SHISA9: variants seen among roughly 807,000 people sequenced by gnomAD.
SHISA9 encodes the protein shisa family member 9.
In SHISA9, 13 loss-of-function variants were observed where a neutral mutation model predicts 38.0. The ratio of observed to expected loss-of-function variants is 0.34; its 90% confidence interval spans 0.22 to 0.54. The LOEUF (loss-of-function observed/expected upper bound fraction) is 0.54. Among genes scored for constraint, SHISA9 ranks in the 20% least tolerant of loss-of-function variants. The pLI is 0.91. For synonymous variants in SHISA9, 275 were observed against 242.0 expected, an observed-to-expected ratio of 1.14 and a Z score of -1.27; for missense variants, 538 against 575.8, an observed-to-expected ratio of 0.93 and a Z score of 0.67.
At chr16:13,426,413 C>T in the SHISA9 span, among the ~76,000 whole-genome samples, 8 of 152,132 alleles carry the variant, frequency 5.3e-5, 1 homozygote, top group Admixed American at 5.2e-4. Context: ...AGGAGTTCTC[C>T]CAAACATGAC....
the SHISA9 span, among the ~76,000 whole-genome samples, chr16:13,435,315 C>A: frequency 6.6e-6 from 1 of 151,882 alleles, no homozygotes; most frequent in Non-Finnish European, 1.5e-5. Context: ...TCAGCAAGAA[C>A]TCTCCCCACA....
chr16:13,368,729 A>C, the SHISA9 span, among the ~76,000 whole-genome samples: 2 of 108,702 alleles, frequency 1.8e-5, no homozygotes, highest in African/African-American at 3.5e-5. Context: ...CTCCAAGGCA[A>C]GATATGTGCA....
At chr16:12,971,149 C>G (rs1419882556) in intron 2 of SHISA9, among the ~76,000 whole-genome samples, 1 of 152,160 alleles carries the variant, frequency 6.6e-6, no homozygotes, top group East Asian at 1.9e-4. Context: ...TACTAATTTT[C>G]CAGCCTAAAC....
the SHISA9 span, among the ~76,000 whole-genome samples, chr16:13,354,952 G>C: frequency 6.6e-6 from 1 of 151,052 alleles, no homozygotes; most frequent in Non-Finnish European, 1.5e-5. Flanking sequence ...TACAGCCCAG[G>C]TAATTTGCTG....
At chr16:13,297,462 T>TGATG in the SHISA9 span, among the ~76,000 whole-genome samples, 1 of 152,080 alleles carries the variant, frequency 6.6e-6, no homozygotes, top group Non-Finnish European at 1.5e-5. Context: ...ATGAAAGAGA[T>TGATG]GATGGGATGG....
At chr16:12,948,301 T>C (rs527418167) in intron 2 of SHISA9, among the ~76,000 whole-genome samples, 4 of 152,270 alleles carry the variant, frequency 2.6e-5, no homozygotes, top group African/African-American at 7.2e-5. Context: ...TATTATATGA[T>C]ACTGCACTCA....
At chr16:13,491,813 T>G in the SHISA9 span, among the ~76,000 whole-genome samples, 1 of 102,332 alleles carries the variant, frequency 9.8e-6, no homozygotes, top group Admixed American at 9.8e-5. Context: ...TATTTATTTA[T>G]TGACCTTTTT....
At chr16:12,905,479 T>C (rs1198741643) in intron 1 of SHISA9, among the ~76,000 whole-genome samples, 2 of 152,122 alleles carry the variant, frequency 1.3e-5, no homozygotes, top group Non-Finnish European at 2.9e-5. Context: ...GATAAAGTGG[T>C]CCACACTTGG....
chr16:13,389,683 C>G, the SHISA9 span, among the ~76,000 whole-genome samples: 2 of 152,092 alleles, frequency 1.3e-5, no homozygotes, highest in African/African-American at 4.8e-5. Context: ...AACAGGTCCT[C>G]TGATTAACCT....
At chr16:13,522,680 G>T in the SHISA9 span, among the ~76,000 whole-genome samples, 1 of 152,144 alleles carries the variant, frequency 6.6e-6, no homozygotes, top group South Asian at 2.1e-4. Context: ...CCTTATAAAA[G>T]CTGCAGTGAG....
intron 2 of SHISA9, among the ~76,000 whole-genome samples, chr16:12,936,180 C>A (rs1460356181): frequency 2.0e-5 from 3 of 152,164 alleles, no homozygotes; most frequent in Non-Finnish European, 4.4e-5. Flanking sequence ...GCCTTTAAGA[C>A]AATTTGGGGA....
intron 1 of SHISA9, among the ~76,000 whole-genome samples, chr16:12,911,958 ATAATT>A (rs2071189766): frequency 6.6e-6 from 1 of 152,236 alleles, no homozygotes; most frequent in African/African-American, 2.4e-5. Context: ...AAGCTAATAA[ATAATT>A]TAATCTGTGC....
At chr16:13,448,250 C>T in the SHISA9 span, among the ~76,000 whole-genome samples, 1 of 152,164 alleles carries the variant, frequency 6.6e-6, no homozygotes, top group African/African-American at 2.4e-5. Context: ...TGCACATGTA[C>T]CCTGGTCTTT....
chr16:13,312,981 C>T, the SHISA9 span, among the ~76,000 whole-genome samples: 16,373 of 151,972 alleles, frequency 0.11, 971 homozygotes, highest in South Asian at 0.22. Flanking sequence ...CCAGGCCGGG[C>T]GCGGTGGCTC....
the SHISA9 span, among the ~76,000 whole-genome samples, chr16:13,400,702 C>T: frequency 6.6e-6 from 1 of 152,202 alleles, no homozygotes; most frequent in Non-Finnish European, 1.5e-5. Flanking sequence ...GACTCCATGT[C>T]TGAACAAATC....
the SHISA9 span, among the ~76,000 whole-genome samples, chr16:13,473,791 A>G: frequency 8.5e-5 from 13 of 152,094 alleles, no homozygotes; most frequent in Admixed American, 1.3e-4. Flanking sequence ...TAGCCACAGG[A>G]AAGTTGTTTG....
the SHISA9 span, among the ~76,000 whole-genome samples, chr16:13,445,449 A>G: frequency 1.3e-5 from 2 of 152,216 alleles, no homozygotes; most frequent in Admixed American, 1.3e-4. Context: ...CCTAGTGGTC[A>G]ATAAATATTT....
At chr16:13,010,370 T>C (rs908489186) in intron 2 of SHISA9, among the ~76,000 whole-genome samples, 5 of 152,184 alleles carry the variant, frequency 3.3e-5, no homozygotes, top group Non-Finnish European at 5.9e-5. Context: ...CAATAGGATA[T>C]TGTACTTAAA....
At chr16:12,931,508 A>C (rs971535536) in intron 2 of SHISA9, among the ~76,000 whole-genome samples, 2 of 152,210 alleles carry the variant, frequency 1.3e-5, no homozygotes, top group African/African-American at 4.8e-5. Flanking sequence ...CCCAGTATTT[A>C]GATCCCACTT....
Sources: allele counts gnomAD v4.1 joint callset (sites outside exome capture counted in the v4.1 genomes callset), GRCh38; gene constraint gnomAD v4.1.1; transcripts MANE v1.5; gene names NCBI Gene and HGNC (gene_info 2026-07-23, HGNC 2026-07-21).